PDZRN4: variants seen among roughly 807,000 people sequenced by gnomAD.
PDZRN4 encodes PDZ domain containing ring finger 4.
A neutral mutation model predicts 99.0 loss-of-function variants in PDZRN4; 70 were observed. The ratio of observed to expected loss-of-function variants is 0.71; its 90% CI spans 0.58 to 0.86. The LOEUF is 0.86. PDZRN4 is among the 40% of genes least tolerant of loss of function. The pLI is 0.00. For missense variants in PDZRN4, 1,474 were observed against 1,331.2 expected, an observed-to-expected ratio of 1.11 and a Z score of -1.67; for synonymous variants, 551 against 501.6, an observed-to-expected ratio of 1.10 and a Z score of -1.32.
chr12:41,234,157 A>C (rs1384908725), intron 3 of PDZRN4, among the ~76,000 whole-genome samples: 1 of 151,964 alleles, frequency 6.6e-6, no homozygotes, highest in African/African-American at 2.4e-5. Flanking sequence ...AAACCCCCCA[A>C]TTTATAGAGC....
At chr12:41,316,364 G>A (rs921284128) in intron 3 of PDZRN4, among the ~76,000 whole-genome samples, 3 of 151,856 alleles carry the variant, frequency 2.0e-5, no homozygotes, top group Non-Finnish European at 2.9e-5. Context: ...TGCTTTCATT[G>A]TATGATTAGT....
chr12:41,498,773 A>G (rs927563634), intron 3 of PDZRN4, among the ~76,000 whole-genome samples: 9 of 152,172 alleles, frequency 5.9e-5, no homozygotes, highest in Non-Finnish European at 1.3e-4. Flanking sequence ...AATTTGTTCT[A>G]TGATCTCAAT....
chr12:41,296,306 TACC>T (rs1951493484), intron 3 of PDZRN4, among the ~76,000 whole-genome samples: 1 of 152,172 alleles, frequency 6.6e-6, no homozygotes, highest in South Asian at 2.1e-4. Flanking sequence ...AAGCAATGGC[TACC>T]AAGAGGTGGC....
chr12:41,374,134 T>C (rs932899236), intron 3 of PDZRN4, among the ~76,000 whole-genome samples: 1 of 146,870 alleles, frequency 6.8e-6, no homozygotes, highest in Non-Finnish European at 1.5e-5. Context: ...TTTGCAGTGT[T>C]TTAGGAAGAG....
intron 3 of PDZRN4, among the ~76,000 whole-genome samples, chr12:41,480,244 C>T (rs896441788): frequency 6.6e-6 from 1 of 152,102 alleles, no homozygotes; most frequent in South Asian, 2.1e-4. Flanking sequence ...TAGCTTGTCA[C>T]CTCATTCTAG....
At chr12:41,527,645 A>C (rs746556921) in intron 5 of PDZRN4, among the ~76,000 whole-genome samples, 40 of 152,224 alleles carry the variant, frequency 2.6e-4, no homozygotes, top group Admixed American at 5.9e-4. Flanking sequence ...GTTATGAGCC[A>C]AATTTTCTTT....
intron 3 of PDZRN4, among the ~76,000 whole-genome samples, chr12:41,237,758 G>A (rs192482443): frequency 1.1e-4 from 16 of 152,178 alleles, no homozygotes; most frequent in African/African-American, 3.4e-4. Flanking sequence ...CGTCAGCTTT[G>A]TCAAAATTCA....
chr12:41,542,886 A>G (rs1938883510), intron 5 of PDZRN4, among the ~76,000 whole-genome samples: 1 of 152,208 alleles, frequency 6.6e-6, no homozygotes, highest in South Asian at 2.1e-4. Context: ...GCTTGGGTTA[A>G]ATACCAGAAA....
At chr12:41,314,536 G>A (rs544159264) in intron 3 of PDZRN4, among the ~76,000 whole-genome samples, 1 of 152,280 alleles carries the variant, frequency 6.6e-6, no homozygotes, top group East Asian at 1.9e-4. Flanking sequence ...CTTCACCAAA[G>A]AGGCTGCATT....
chr12:41,368,444 A>G (rs80333391), intron 3 of PDZRN4, among the ~76,000 whole-genome samples: 37 of 152,236 alleles, frequency 2.4e-4, no homozygotes, highest in African/African-American at 8.9e-4. Flanking sequence ...AGAGAGTCAT[A>G]TAGCTGTTCC....
At chr12:41,241,937 C>T (rs1951104283) in intron 3 of PDZRN4, among the ~76,000 whole-genome samples, 1 of 152,098 alleles carries the variant, frequency 6.6e-6, no homozygotes, top group South Asian at 2.1e-4. Flanking sequence ...AAATTTCTGC[C>T]AGATTTAGAA....
At chr12:41,190,329 T>A (rs1208520687) in intron 1 of PDZRN4, among the ~76,000 whole-genome samples, 1 of 152,236 alleles carries the variant, frequency 6.6e-6, no homozygotes, top group Non-Finnish European at 1.5e-5. Context: ...CTAGTTCATA[T>A]ATGCATATAC....
chr12:41,260,201 C>T (rs901630201), intron 3 of PDZRN4, among the ~76,000 whole-genome samples: 25 of 152,062 alleles, frequency 1.6e-4, no homozygotes, highest in African/African-American at 5.6e-4. Context: ...ATTTCCTTTT[C>T]ATGTGTTTTA....
chr12:41,422,719 C>T (rs1469344407), intron 3 of PDZRN4, among the ~76,000 whole-genome samples: 3 of 152,090 alleles, frequency 2.0e-5, no homozygotes, highest in African/African-American at 7.2e-5. Context: ...CCACCAGATC[C>T]CTCCCTCGAC....
chr12:41,211,719 C>T (rs774485163), intron 3 of PDZRN4, among the ~76,000 whole-genome samples: 1 of 151,784 alleles, frequency 6.6e-6, no homozygotes, highest in Admixed American at 6.6e-5. Context: ...TATATAAATG[C>T]AATTTAATTT....
chr12:41,291,304 G>A (rs922935581), intron 3 of PDZRN4, among the ~76,000 whole-genome samples: 1 of 152,116 alleles, frequency 6.6e-6, no homozygotes. Context: ...AAATGGAAGG[G>A]CCAAGAAAGT....
At chr12:41,190,497 C>A (rs972057443) in intron 1 of PDZRN4, among the ~76,000 whole-genome samples, 22 of 152,168 alleles carry the variant, frequency 1.4e-4, no homozygotes, top group Non-Finnish European at 4.4e-5. Flanking sequence ...AAAGTCCATG[C>A]AACAAGTCAA....
At chr12:41,260,819 T>A (rs752213757) in intron 3 of PDZRN4, among the ~76,000 whole-genome samples, 3 of 152,156 alleles carry the variant, frequency 2.0e-5, no homozygotes, top group Non-Finnish European at 2.9e-5. Context: ...CTTAGTTTCA[T>A]CCACAGAGAA....
intron 3 of PDZRN4, among the ~76,000 whole-genome samples, chr12:41,410,621 G>A (rs1350464161): frequency 6.6e-6 from 1 of 152,064 alleles, no homozygotes; most frequent in African/African-American, 2.4e-5. Flanking sequence ...ATTTTGTTGG[G>A]TACCCCATCC....
Sources: gnomAD v4.1 joint callset for allele counts (sites outside exome capture counted in the v4.1 genomes callset) on GRCh38, gnomAD v4.1.1 for gene constraint, MANE v1.5 for transcripts, NCBI Gene and HGNC (gene_info 2026-07-23, HGNC 2026-07-21) for gene names.